Variants in PDE7A observed in about 807,000 individuals in gnomAD.
PDE7A encodes phosphodiesterase 7A, also known as high affinity 3',5'-cyclic-AMP phosphodiesterase 7A.
Under a neutral mutation model 64.3 loss-of-function variants are expected in PDE7A, and 39 were observed. That is an observed-to-expected ratio of 0.61 (90% CI 0.47 to 0.79). PDE7A has a LOEUF of 0.79. Among genes scored for constraint, PDE7A ranks in the 30% least tolerant of loss-of-function variants. The pLI is 0.00. For missense variants in PDE7A, 470 were observed against 582.8 expected (o/e 0.81, Z 1.99); for synonymous variants, 203 against 206.8 (o/e 0.98, Z 0.16).
intron 7 of PDE7A, among the ~76,000 whole-genome samples, chr8:65,729,435 T>G (rs1182580550): frequency 7.0e-6 from 1 of 143,828 alleles, no homozygotes; most frequent in African/African-American, 2.6e-5. Flanking sequence ...AGAAAGAAGG[T>G]ACCTGAGATA....
chr8:65,727,391 A>G (rs1806655402), intron 7 of PDE7A, 90 bp from the exon 8 acceptor site: 4 of 1,542,946 alleles, frequency 2.6e-6, no homozygotes, highest in Admixed American at 1.9e-5. Flanking sequence ...AGCCAATGGT[A>G]GTGGTGGTAA....
chr8:65,733,480 G>T (rs1239499724), intron 7 of PDE7A, among the ~76,000 whole-genome samples: 2 of 152,180 alleles, frequency 1.3e-5, no homozygotes, highest in South Asian at 2.1e-4. Context: ...ATTGGGGTGG[G>T]CAATAGAGTG....
At chr8:65,759,617 A>G (rs78481781) in intron 3 of PDE7A, among the ~76,000 whole-genome samples, 3,225 of 152,194 alleles carry the variant, frequency 0.021, 40 homozygotes, top group South Asian at 0.035. Flanking sequence ...GATTCTGGTC[A>G]TTTTTTCTAC....
At chr8:65,743,132 G>C (rs1278489104) in intron 5 of PDE7A, among the ~76,000 whole-genome samples, 2 of 152,040 alleles carry the variant, frequency 1.3e-5, no homozygotes, top group Admixed American at 1.3e-4. Flanking sequence ...AGCTGTGAGA[G>C]TTTATGTAAG....
chr8:65,726,122 ATTT>A (rs1358336199), intron 9 of PDE7A, among the ~76,000 whole-genome samples: 8 of 152,144 alleles, frequency 5.3e-5, no homozygotes, highest in African/African-American at 1.9e-4. Context: ...ACTCAAACAT[ATTT>A]TTATACCTCA....
chr8:65,789,892 C>T (rs1809653891), intron 1 of PDE7A, among the ~76,000 whole-genome samples: 1 of 152,210 alleles, frequency 6.6e-6, no homozygotes, highest in African/African-American at 2.4e-5. Flanking sequence ...CCTTGTGGTG[C>T]TTGCAATTTA....
chr8:65,837,977 G>A (rs1035930772), intron 1 of PDE7A, among the ~76,000 whole-genome samples: 6 of 151,212 alleles, frequency 4.0e-5, no homozygotes, highest in South Asian at 2.1e-4. Context: ...ATAACACAAG[G>A]AGCCTCACTC....
intron 1 of PDE7A, among the ~76,000 whole-genome samples, chr8:65,792,923 G>A (rs1429933807): frequency 6.6e-6 from 1 of 152,016 alleles, no homozygotes; most frequent in South Asian, 2.1e-4. Flanking sequence ...TACTGACTTA[G>A]AGCTCTGAAT....
intron 3 of PDE7A, among the ~76,000 whole-genome samples, chr8:65,775,402 AT>A (rs1386303399): frequency 6.6e-6 from 1 of 152,290 alleles, no homozygotes; most frequent in African/African-American, 2.4e-5. Flanking sequence ...GAATATAAGT[AT>A]TTTTTAAGGC....
At chr8:65,826,841 T>G (rs1413772820) in intron 1 of PDE7A, among the ~76,000 whole-genome samples, 3 of 152,132 alleles carry the variant, frequency 2.0e-5, no homozygotes, top group Non-Finnish European at 4.4e-5. Flanking sequence ...TTTGAAGGCT[T>G]TAGAGGAGAA....
chr8:65,804,835 A>T (rs887349404), intron 1 of PDE7A, among the ~76,000 whole-genome samples: 2 of 147,260 alleles, frequency 1.4e-5, no homozygotes, highest in Admixed American at 6.7e-5. Flanking sequence ...CACCGTGCCC[A>T]GCCAAGTTTT....
Position 65,747,823 on chromosome 8 carries a change from A to AG in PDE7A, c.284-21dup. On this transcript the variant is annotated intron_variant, in intron 3 of 12. Transcript: ENST00000401827. ...ATTGAGCTGAAATAAAAAGAATAAA[A>AG]GGTAAGTATAGCAAGTTAAAATTAT... 6.4e-7 allele frequency: 1 copy of AG among 1,567,174 alleles called. No homozygotes were observed. The highest frequency in any genetic ancestry group is 1.4e-5 in the African/African-American group (1 of 73,656).
intron 1 of PDE7A, among the ~76,000 whole-genome samples, chr8:65,809,998 T>G (rs1411891693): frequency 6.6e-6 from 1 of 152,192 alleles, no homozygotes; most frequent in Non-Finnish European, 1.5e-5. Context: ...CATTACTGGG[T>G]ATATACCCCA....
chr8:65,801,728 C>A (rs901930680), intron 1 of PDE7A, among the ~76,000 whole-genome samples: 1 of 152,034 alleles, frequency 6.6e-6, no homozygotes, highest in Non-Finnish European at 1.5e-5. Flanking sequence ...TGCAGGCTGG[C>A]AAAAAGATCT....
intron 1 of PDE7A, among the ~76,000 whole-genome samples, chr8:65,831,114 G>A (rs905734501): frequency 6.6e-6 from 1 of 152,018 alleles, no homozygotes; most frequent in African/African-American, 2.4e-5. Context: ...CAAGATGTGG[G>A]AGAAGGTACA....
At chr8:65,723,387 C>G in intron 12 of PDE7A, 154 bp downstream of exon 12, 1 of 629,938 alleles carries the variant, frequency 1.6e-6, no homozygotes, top group Non-Finnish European at 2.3e-6. Flanking sequence ...ATTAGAAGAG[C>G]CATAACAAGG....
intron 3 of PDE7A, 125 bp downstream of exon 3, chr8:65,779,595 G>C: frequency 1.8e-6 from 1 of 559,128 alleles, no homozygotes; most frequent in Non-Finnish European, 3.2e-6. Flanking sequence ...CATGACCTAG[G>C]TTTTAAAAAC....
intron 3 of PDE7A, among the ~76,000 whole-genome samples, chr8:65,769,896 CA>C (rs1033632958): frequency 6.6e-6 from 1 of 151,548 alleles, no homozygotes; most frequent in African/African-American, 2.4e-5. Context: ...AACTCTGTCT[CA>C]AAAAAACAAA....
At chr8:65,812,719 T>TA (rs2128930306) in intron 1 of PDE7A, among the ~76,000 whole-genome samples, 1 of 152,362 alleles carries the variant, frequency 6.6e-6, no homozygotes, top group African/African-American at 2.4e-5. Flanking sequence ...AATGGCCAGA[T>TA]ACGTATTTTT....
Sources: allele counts gnomAD v4.1 joint callset (sites outside exome capture counted in the v4.1 genomes callset), GRCh38; gene constraint gnomAD v4.1.1; transcripts MANE v1.5; gene names NCBI Gene and HGNC (gene_info 2026-07-23, HGNC 2026-07-21).